The following TMEM38B variants were observed in gnomAD, a reference collection of about 807,000 sequenced individuals.
TMEM38B encodes trimeric intracellular cation channel type B.
Under a neutral mutation model 28.7 loss-of-function variants are expected in TMEM38B, and 24 were observed. The observed-to-expected ratio is 0.84, with a 90% confidence interval of 0.61 to 1.18. The LOEUF (loss-of-function observed/expected upper bound fraction) is 1.18. Among genes scored for constraint, TMEM38B ranks in the 50% most tolerant of loss-of-function variants. TMEM38B has a pLI of 0.00. For synonymous variants in TMEM38B, 131 were observed against 127.7 expected, an observed-to-expected ratio of 1.03 and a Z score of -0.17; for missense variants, 380 against 350.9, an observed-to-expected ratio of 1.08 and a Z score of -0.66.
At chr9:105,746,063 G>A (rs1837380604) in intron 4 of TMEM38B, among the ~76,000 whole-genome samples, 4 of 152,238 alleles carry the variant, frequency 2.6e-5, no homozygotes, top group Admixed American at 2.6e-4. Context: ...TGGCAATGCG[G>A]GCTCTTTTTT....
chr9:105,759,182 C>T, intron 5 of TMEM38B: 1 of 745,340 alleles, frequency 1.3e-6, no homozygotes, highest in Non-Finnish European at 2.5e-6. Context: ...TTCTAGATCT[C>T]CTTGAACCTC....
chr9:105,766,311 G>T (rs548213668), intron 5 of TMEM38B, among the ~76,000 whole-genome samples: 1 of 152,256 alleles, frequency 6.6e-6, no homozygotes, highest in African/African-American at 2.4e-5. Context: ...GCGTTTTGTA[G>T]GTATGAAGTG....
At chr9:105,745,625 C>T (rs957276583) in intron 4 of TMEM38B, among the ~76,000 whole-genome samples, 32 of 152,090 alleles carry the variant, frequency 2.1e-4, no homozygotes, top group African/African-American at 6.8e-4. Context: ...ACTTTTGTTG[C>T]CATTGCTTTT....
intron 4 of TMEM38B, among the ~76,000 whole-genome samples, chr9:105,727,134 G>A (rs367782867): frequency 1.3e-4 from 20 of 152,074 alleles, no homozygotes; most frequent in Middle Eastern, 3.4e-3. Context: ...ATTAGCTATC[G>A]TCCTTGTGTT....
chr9:105,743,179 T>C (rs1837266632), intron 4 of TMEM38B, among the ~76,000 whole-genome samples: 1 of 152,216 alleles, frequency 6.6e-6, no homozygotes, highest in Non-Finnish European at 1.5e-5. Context: ...GAATGGATTC[T>C]TTCTTAGAGT....
chr9:105,716,498 C>G (rs1487470072), intron 2 of TMEM38B, among the ~76,000 whole-genome samples: 2 of 152,070 alleles, frequency 1.3e-5, no homozygotes, highest in African/African-American at 2.4e-5. Context: ...TTTCTTCTTT[C>G]TGCCAAGTAG....
At chr9:105,718,814 C>A (rs1345042158) in intron 2 of TMEM38B, among the ~76,000 whole-genome samples, 2 of 151,876 alleles carry the variant, frequency 1.3e-5, no homozygotes, top group African/African-American at 2.4e-5. Context: ...TTCCAAGTAT[C>A]AATTACTTAT....
chr9:105,700,238 T>A (rs1835420539), intron 1 of TMEM38B, among the ~76,000 whole-genome samples: 1 of 152,234 alleles, frequency 6.6e-6, no homozygotes. Flanking sequence ...AAGATGCTGT[T>A]ATAGCCCTAA....
chr9:105,737,468 G>T (rs890450214), intron 4 of TMEM38B, among the ~76,000 whole-genome samples: 4 of 152,214 alleles, frequency 2.6e-5, no homozygotes, highest in Non-Finnish European at 5.9e-5. Flanking sequence ...GTCAGGCCAT[G>T]TGCAGCAACA....
intron 5 of TMEM38B, among the ~76,000 whole-genome samples, chr9:105,761,529 A>G (rs1838049402): frequency 6.6e-6 from 1 of 152,186 alleles, no homozygotes; most frequent in African/African-American, 2.4e-5. Flanking sequence ...AATAAAACAT[A>G]TAATCTCTTC....
intron 1 of TMEM38B, among the ~76,000 whole-genome samples, chr9:105,703,693 A>C (rs1362872437): frequency 6.6e-6 from 1 of 151,790 alleles, no homozygotes; most frequent in Non-Finnish European, 1.5e-5. Context: ...ATTTCTCCAC[A>C]TCCTCTCCAG....
chr9:105,749,268 G>T, intron 5 of TMEM38B: 2 of 283,596 alleles, frequency 7.1e-6, no homozygotes, highest in South Asian at 5.5e-5. Flanking sequence ...ACCTGATACT[G>T]GGTAATTTAT....
chr9:105,723,980 C>T (rs556688022), intron 4 of TMEM38B, among the ~76,000 whole-genome samples: 16 of 152,222 alleles, frequency 1.1e-4, no homozygotes, highest in African/African-American at 3.4e-4. Flanking sequence ...GGATTTTGGG[C>T]GTGTGCCACC....
chr9:105,759,362 T>G, intron 5 of TMEM38B: 1 of 1,298,828 alleles, frequency 7.7e-7, no homozygotes, highest in Non-Finnish European at 1.1e-6. Context: ...TTCTTCTCAG[T>G]CTGCTTCATA....
In TMEM38B at chr9:105,742,185, CT is replaced by C. The variant is rs567172202; in HGVS notation, c.543-5887del. 2.6e-3 allele frequency among the ~76,000 whole-genome samples: 400 copies of C among 152,314 alleles called. 1 individual carries two copies. The highest frequency in any genetic ancestry group is 7.7e-3 in the Admixed American group (118 of 15,294). Reference sequence around the variant, plus strand: ...GAATCAGGCTGATAAAACTGCTCAGCTGCAAACATATGCTTGAAAAAGAAAG... The same window carrying C: ...GAATCAGGCTGATAAAACTGCTCAGCGCAAACATATGCTTGAAAAAGAAAG... On this transcript the variant is annotated intron_variant, in intron 4 of 5. Coordinates refer to ENST00000374692, the MANE Select transcript of TMEM38B (RefSeq NM_018112.3).
chr9:105,755,880 A>G (rs905780638), intron 5 of TMEM38B, among the ~76,000 whole-genome samples: 3 of 152,142 alleles, frequency 2.0e-5, no homozygotes, highest in African/African-American at 7.2e-5. Flanking sequence ...TTGTATATTG[A>G]TTTTGTATCC....
At chr9:105,726,195 A>T (rs534065161) in intron 4 of TMEM38B, among the ~76,000 whole-genome samples, 1 of 152,244 alleles carries the variant, frequency 6.6e-6, no homozygotes, top group South Asian at 2.1e-4. Flanking sequence ...TGTTAACTAT[A>T]TTGTACTACT....
Position 105,721,603 on chromosome 9 carries a change from A to G in TMEM38B, c.336A>G (p.Leu112=), listed in dbSNP as rs371968560. 5.6e-6 allele frequency: 9 copies of G among 1,613,536 alleles called. No individual in the cohort carries two copies. The highest frequency in any genetic ancestry group is 6.8e-6 in the Non-Finnish European group (8 of 1,179,698). ...SQGYSYLPVQ[L]LASGMKEVTR... is the part of the protein sequence containing the mutation. ...GCTATTCATATCTACCTGTTCAACT[A>G]CTGGCTTCGGGAATGAAGGAAGTGA... is the stretch of plus-strand genomic sequence containing the variant. The change falls in exon 3 of 6, where the codon CTA becomes CTG. Residue 112 remains leucine, a synonymous_variant. Coordinates refer to ENST00000374692, the MANE Select transcript of TMEM38B (RefSeq NM_018112.3).
intron 1 of TMEM38B, among the ~76,000 whole-genome samples, chr9:105,695,992 G>C (rs1213507596): frequency 6.6e-6 from 1 of 152,162 alleles, no homozygotes; most frequent in Non-Finnish European, 1.5e-5. Flanking sequence ...GGCTGAATCA[G>C]ATGTTCACAT....
Sources: allele counts gnomAD v4.1 joint callset (sites outside exome capture counted in the v4.1 genomes callset), GRCh38; gene constraint gnomAD v4.1.1; transcripts MANE v1.5; gene names NCBI Gene and HGNC (gene_info 2026-07-23, HGNC 2026-07-21).